LAMC3: variants seen among roughly 807,000 people sequenced by gnomAD.
LAMC3 encodes laminin subunit gamma-3.
LAMC3 carries 128 observed loss-of-function variants against 173.8 expected under a neutral mutation model. The observed-to-expected ratio is 0.74, with a 90% CI of 0.64 to 0.85. The LOEUF is 0.85. Ranked by LOEUF, LAMC3 falls within the 40% of genes least tolerant of loss-of-function variation. LAMC3 has a pLI of 0.00. For missense variants in LAMC3, 2,022 were observed against 2,156.0 expected, an observed-to-expected ratio of 0.94 and a Z score of 1.23; for synonymous variants, 897 against 909.1, an observed-to-expected ratio of 0.99 and a Z score of 0.24.
chr9:131,083,490 G>T (rs75428492), intron 24 of LAMC3, among the ~76,000 whole-genome samples: 2,081 of 149,224 alleles, frequency 0.014, 23 homozygotes, highest in Non-Finnish European at 0.023. Flanking sequence ...GGGTGTGGCC[G>T]GGGGTCTCCT....
At chr9:131,058,046 G>A (rs1320890070) in intron 12 of LAMC3, among the ~76,000 whole-genome samples, 1 of 152,180 alleles carries the variant, frequency 6.6e-6, no homozygotes, top group African/African-American at 2.4e-5. Context: ...CCTCCCTCCA[G>A]CCTGGACTCC....
At chr9:131,047,026 C>A (rs537804032) in intron 8 of LAMC3, among the ~76,000 whole-genome samples, 2 of 152,228 alleles carry the variant, frequency 1.3e-5, no homozygotes, top group South Asian at 2.1e-4. Flanking sequence ...ATTTTCTAGA[C>A]CCTAAGAACA....
chr9:131,046,541 T>G (rs1279926377), intron 8 of LAMC3, among the ~76,000 whole-genome samples: 1 of 135,254 alleles, frequency 7.4e-6, no homozygotes, highest in Non-Finnish European at 1.6e-5. Flanking sequence ...TTTTTTTTTT[T>G]TTTGTACAGA....
rs1833942165 is a variant in LAMC3, at chr9:131,036,278, T to C, written c.922T>C (p.Phe308Leu). ...AGACTGTGAGCGCTGCCTGCCCTTC[T>C]TCCAGGACCGCCCGTGGGCCCGGGG... ...GTDCERCLPFFQDRPWARGTA... is the reference protein window; with the variant it reads ...GTDCERCLPFLQDRPWARGTA... Residue 308 changes from phenylalanine to leucine, a missense_variant, in exon 4 of 28, where the codon TTC becomes CTC. Coordinates refer to ENST00000361069, the MANE Select transcript of LAMC3 (RefSeq NM_006059.4). 1.2e-6 allele frequency: 2 copies of C among 1,613,174 alleles called. No homozygotes were observed. The highest frequency in any genetic ancestry group is 2.7e-5 in the African/African-American group (2 of 74,904).
intron 12 of LAMC3, among the ~76,000 whole-genome samples, chr9:131,058,289 T>C (rs1829734439): frequency 6.6e-6 from 1 of 152,054 alleles, no homozygotes; most frequent in African/African-American, 2.4e-5. Flanking sequence ...CTAATTTTTA[T>C]ATTTTCAGTA....
In LAMC3 at chr9:131,077,177, T is replaced by C. The variant is rs1261188156; in HGVS notation, c.3630-10T>C. 2 of 1,613,172 alleles carry C rather than the reference T, an allele frequency of 1.2e-6. No individual in the cohort carries two copies. Among genetic ancestry groups the C allele is most frequent in the Non-Finnish European group, 8.5e-7 (1 of 1,179,982 alleles). ...CTGCACCCAGCTCCGTGGCCTCTGC[T>C]TCCTCCCAGGTACCAGGAGGTCCAG... On this transcript the variant is annotated splice_polypyrimidine_tract_variant and intron_variant, in intron 21 of 27. Coordinates refer to ENST00000361069, the MANE Select transcript of LAMC3 (RefSeq NM_006059.4).
chr9:131,065,201 T>C (rs1010955522), intron 13 of LAMC3, among the ~76,000 whole-genome samples: 31 of 152,328 alleles, frequency 2.0e-4, no homozygotes, highest in Admixed American at 8.5e-4. Context: ...GCTGACACCA[T>C]GTGAAGCACT....
chr9:131,066,839 C>G, intron 13 of LAMC3, 121 bp from the exon 14 acceptor site: 1 of 1,380,492 alleles, frequency 7.2e-7, no homozygotes. Flanking sequence ...CCCAGGTCCT[C>G]CTGCCCAAGC....
At chr9:131,024,276 G>C (rs1833681706) in intron 1 of LAMC3, among the ~76,000 whole-genome samples, 2 of 151,518 alleles carry the variant, frequency 1.3e-5, no homozygotes, top group Non-Finnish European at 2.9e-5. Context: ...CTCCCGAGTA[G>C]CTGGGATTAC....
At chr9:131,057,234 C>T in intron 12 of LAMC3, 87 bp downstream of exon 12, 3 of 1,194,148 alleles carry the variant, frequency 2.5e-6, no homozygotes, top group South Asian at 1.2e-5. Context: ...GCCAGCCTGG[C>T]ACAGGCATTG....
chr9:131,069,173 C>A, intron 16 of LAMC3, 123 bp downstream of exon 16: 1 of 1,135,578 alleles, frequency 8.8e-7, no homozygotes, highest in African/African-American at 1.5e-5. Flanking sequence ...GACAGGGTCC[C>A]GAGAGCAGCC....
intron 7 of LAMC3, among the ~76,000 whole-genome samples, chr9:131,045,316 CAG>C (rs1207002195): frequency 6.6e-6 from 1 of 151,874 alleles, no homozygotes; most frequent in Non-Finnish European, 1.5e-5. Flanking sequence ...GTGGTAATGT[CAG>C]ATGTCAGCAT....
chr9:131,053,764 C>T (rs964245964), intron 11 of LAMC3, among the ~76,000 whole-genome samples: 6 of 151,938 alleles, frequency 3.9e-5, no homozygotes, highest in Non-Finnish European at 7.4e-5. Flanking sequence ...ACCCAGGAGG[C>T]GGAGGTTGTA....
At chr9:131,044,443 G>C (rs1408495652) in intron 7 of LAMC3, among the ~76,000 whole-genome samples, 3 of 152,154 alleles carry the variant, frequency 2.0e-5, no homozygotes, top group Non-Finnish European at 4.4e-5. Context: ...CCGGGAGACA[G>C]AGGTTACAGT....
intron 6 of LAMC3, among the ~76,000 whole-genome samples, chr9:131,041,385 A>G (rs1485164334): frequency 6.6e-6 from 1 of 151,838 alleles, no homozygotes; most frequent in Non-Finnish European, 1.5e-5. Flanking sequence ...AGATTCATGG[A>G]TGATGAGTGA....
chr9:131,080,481 G>T (rs1564390240), intron 23 of LAMC3: 1 of 152,042 alleles, frequency 6.6e-6, no homozygotes, highest in East Asian at 1.9e-4. Flanking sequence ...TAGAGATGGG[G>T]TTTCACCATG....
rs551369445 is a variant in LAMC3, at chr9:131,010,079, G to A, written c.373+492G>A. ...TGGGGCAGGAGAATCGCTTGAACCCGGGAGGTGGAGGTTGCCGTGAGCCGA... is the reference window on the plus strand; with the variant it reads ...TGGGGCAGGAGAATCGCTTGAACCCAGGAGGTGGAGGTTGCCGTGAGCCGA... On this transcript the variant is annotated intron_variant, in intron 1 of 27. Transcript: ENST00000361069. 4.7e-5 allele frequency among the ~76,000 whole-genome samples: 7 copies of A among 150,360 alleles called. No individual in the cohort carries two copies. In the South Asian group the frequency reaches 1.5e-3, roughly 32 times the overall value.
chr9:131,066,722 G>A (rs1483058504), intron 13 of LAMC3, among the ~76,000 whole-genome samples: 1 of 152,072 alleles, frequency 6.6e-6, no homozygotes, highest in East Asian at 1.9e-4. Context: ...CAGTCCTGTG[G>A]GGAGCTGCCA....
intron 1 of LAMC3, among the ~76,000 whole-genome samples, chr9:131,025,151 G>C (rs908500544): frequency 6.6e-6 from 1 of 152,112 alleles, no homozygotes. Context: ...TCCCGCGCCC[G>C]CACCCCAGGC....
Sources: allele counts gnomAD v4.1 joint callset (sites outside exome capture counted in the v4.1 genomes callset), GRCh38; gene constraint gnomAD v4.1.1; transcripts MANE v1.5; gene names NCBI Gene and HGNC (gene_info 2026-07-23, HGNC 2026-07-21).